The following JAK3 variants were observed in gnomAD, a reference collection of about 807,000 sequenced individuals.
JAK3 encodes tyrosine-protein kinase JAK3.
A neutral mutation model predicts 120.8 loss-of-function variants in JAK3; 88 were observed. That is an observed-to-expected ratio of 0.73 (90% CI 0.61 to 0.87). The LOEUF (loss-of-function observed/expected upper bound fraction) is 0.87, where lower values mean the gene tolerates loss of function less well. Ranked by LOEUF, JAK3 falls within the 40% of genes least tolerant of loss-of-function variation. JAK3 has a pLI of 0.00. For missense variants in JAK3, 1,254 were observed against 1,501.4 expected, an observed-to-expected ratio of 0.84 and a Z score of 2.72; for synonymous variants, 592 against 628.6, an observed-to-expected ratio of 0.94 and a Z score of 0.87.
Position 17,827,490 on chromosome 19 carries a change from T to G in JAK3, c.3208-580A>C, listed in dbSNP as rs3212792. Among the ~76,000 whole-genome samples, 1,102 of 151,008 alleles carry G rather than the reference T, an allele frequency of 7.3e-3. 26 individuals are homozygous for G. Among genetic ancestry groups the G allele is most frequent in the African/African-American group, 0.025 (1,040 of 41,102 alleles). On this transcript the variant is annotated intron_variant, in intron 23 of 23. Coordinates refer to ENST00000458235, the MANE Select transcript of JAK3 (RefSeq NM_000215.4). Reference sequence around the variant, plus strand: ...AGCCTCCCAAGTAGCTGGGATTACATGCACACACCGCCACACCTGGCTAAG... The same window carrying G: ...AGCCTCCCAAGTAGCTGGGATTACAGGCACACACCGCCACACCTGGCTAAG...
intron 10 of JAK3, among the ~76,000 whole-genome samples, chr19:17,838,649 G>A (rs3212749): frequency 4.6e-5 from 7 of 151,544 alleles, no homozygotes; most frequent in African/African-American, 1.2e-4. Context: ...AGGTTCAAGC[G>A]ATTTTCCTGC....
chr19:17,826,955 A>C, intron 23 of JAK3, 45 bp from the exon 24 acceptor site: 1 of 1,585,130 alleles, frequency 6.3e-7, no homozygotes, highest in South Asian at 1.1e-5. Flanking sequence ...TGAGCAGTCC[A>C]AAGGACACAA....
chr19:17,837,061 C>G (rs1289859767), intron 13 of JAK3, 68 bp downstream of exon 13: 3 of 981,874 alleles, frequency 3.1e-6, no homozygotes, highest in African/African-American at 4.1e-5. Flanking sequence ...CGGCTCAGAA[C>G]AGAGGTGGGA....
In JAK3 at chr19:17,831,448, G is replaced by T; in HGVS notation, c.2806-48C>A. On this transcript the variant is annotated intron_variant, in intron 20 of 23. Transcript: ENST00000458235. This position sits in a 1 kb window ranked among gnomAD's most constrained non-coding sequence, Gnocchi z 5.1. Reference sequence around the variant, plus strand: ...TGCAGAGAGGATCCCAGGATAATCCGGCAGGTACCCCAAGCGTGACCTGGC... The same window carrying T: ...TGCAGAGAGGATCCCAGGATAATCCTGCAGGTACCCCAAGCGTGACCTGGC... The T allele has an allele frequency of 1.9e-6, 3 of 1,597,146 alleles. No individual in the cohort carries two copies. Among genetic ancestry groups the T allele is most frequent in the Non-Finnish European group, 2.5e-6 (3 of 1,178,180 alleles).
rs1474760422 is a variant in JAK3 at position 17,831,019 on chromosome 19, G to A, written c.2978+209C>T. Among the ~76,000 whole-genome samples, 1 of 150,682 alleles carries A rather than the reference G, an allele frequency of 6.6e-6. No homozygotes were observed. Among genetic ancestry groups the A allele is most frequent in the East Asian group, 2.0e-4 (1 of 5,078 alleles). ...TGAGAGAAGGGCGGGGCTAAGGCTG[G>A]GGGCCGCTGACAGCAGGGCAGCGGG... On this transcript the variant is annotated intron_variant, in intron 21 of 23. Transcript: ENST00000458235. This position sits in a 1 kb window ranked among gnomAD's most constrained non-coding sequence, Gnocchi z 5.1.
In JAK3 at chr19:17,832,874, C is replaced by T. The variant is rs1379854956; in HGVS notation, c.2406G>A (p.Leu802=). The part of the protein sequence containing the change: ...TPGALAPRDG[L]WNGAQLYACQ... ...AGGCATAGAGCTGGGCACCATTCCA[C>T]AGCCCATCACGAGGTGCCAGGGCAC... The change falls in exon 18 of 24, where the codon CTG becomes CTA. Residue 802 remains leucine, a synonymous_variant. Transcript: ENST00000458235. This position sits in a 1 kb window ranked among gnomAD's most constrained non-coding sequence, Gnocchi z 4.7. The T allele has an allele frequency of 1.9e-6, 3 of 1,614,152 alleles. No individual in the cohort carries two copies. Among genetic ancestry groups the T allele is most frequent in the Non-Finnish European group, 2.5e-6 (3 of 1,180,060 alleles).
rs770063056 is a variant in JAK3, at chr19:17,843,877, G to C, written c.208C>G (p.Leu70Val). Reference sequence around the variant, plus strand: ...AGGTCCTCCGTGGCCAGAGCAAAGAGGGAGTGGTACACAGGCAGGATGCCT... The same window carrying C: ...AGGTCCTCCGTGGCCAGAGCAAAGACGGAGTGGTACACAGGCAGGATGCCT... ...ASGILPVYHS[L>V]FALATEDLSC... is the part of the protein sequence containing the mutation. Residue 70 changes from leucine (L) to valine (V), a missense_variant, in exon 3 of 24, where the codon CTC becomes GTC. Leu to Val is a conservative substitution (Grantham distance 32, BLOSUM62 1). Transcript: ENST00000458235. The surrounding 1 kb of genome is among the most constrained non-coding windows in gnomAD (Gnocchi z 5.4). The C allele has an allele frequency of 6.2e-7, 1 of 1,613,694 alleles. No individual in the cohort carries two copies. The highest frequency in any genetic ancestry group is 1.1e-5 in the South Asian group (1 of 91,080).
chr19:17,831,078 G>T lies in JAK3; in HGVS notation c.2978+150C>A. ...GAGCCAGTGCTGTTGAGGGGGCGGG[G>T]CTCTGGGGAGTGGGAGGGGCCAAAG... On this transcript the variant is annotated intron_variant, in intron 21 of 23. Transcript: ENST00000458235. This position sits in a 1 kb window ranked among gnomAD's most constrained non-coding sequence, Gnocchi z 5.1. 2 of 732,536 alleles carry T rather than the reference G, an allele frequency of 2.7e-6. No homozygotes were observed. Among genetic ancestry groups the T allele is most frequent in the Non-Finnish European group, 4.5e-6 (2 of 447,090 alleles). The allele number at this position is 732,536 out of a possible 1,614,324, so 45.4% of individuals were successfully genotyped here.
At chr19:17,833,230 G>A (rs2094217682) in intron 17 of JAK3, among the ~76,000 whole-genome samples, 1 of 152,188 alleles carries the variant, frequency 6.6e-6, no homozygotes, top group Non-Finnish European at 1.5e-5. Flanking sequence ...CCACATGACT[G>A]AGCTCAGGCT....
At chr19:17,828,406 TCAC>T (rs2094208095) in intron 23 of JAK3, among the ~76,000 whole-genome samples, 1 of 151,978 alleles carries the variant, frequency 6.6e-6, no homozygotes, top group South Asian at 2.1e-4. Flanking sequence ...CAGGTGCATG[TCAC>T]CACACCGGCT....
Position 17,827,717 on chromosome 19 carries a change from T to TAAAAAAAAAAAA in JAK3, c.3208-819_3208-808dup, listed in dbSNP as rs760856974. ...CAACATGGAGAAACCCCATCTTAAC[T>TAAAAAAAAAAAA]AAAAAAAAAAAAAAAAAAAAAAAAA... On this transcript the variant is annotated intron_variant, in intron 23 of 23. Coordinates refer to ENST00000458235, the MANE Select transcript of JAK3 (RefSeq NM_000215.4). Among the ~76,000 whole-genome samples the TAAAAAAAAAAAA allele has an allele frequency of 7.7e-5, 6 of 77,690 alleles. 1 individual carries two copies. Among genetic ancestry groups the TAAAAAAAAAAAA allele is most frequent in the African/African-American group, 3.0e-4 (5 of 16,784 alleles). The allele number at this position is 77,690 out of a possible 152,430, so 51.0% of individuals were successfully genotyped here. A position where few individuals can be genotyped will look rare whatever the true frequency, so the allele number is the denominator to read the frequency against.
chr19:17,831,386 C>T lies in JAK3; in HGVS notation c.2820G>A (p.Leu940=). The T allele has an allele frequency of 6.2e-7, 1 of 1,605,044 alleles. No homozygotes were observed. Among genetic ancestry groups the T allele is most frequent in the Non-Finnish European group, 8.5e-7 (1 of 1,179,758 alleles). The change falls in exon 21 of 24, where the codon CTG becomes CTA. Residue 940 remains leucine (L), a synonymous_variant. Coordinates refer to ENST00000458235, the MANE Select transcript of JAK3 (RefSeq NM_000215.4). The surrounding 1 kb of genome is among the most constrained non-coding windows in gnomAD (Gnocchi z 5.1). ...CGCGGTGCACGCAGCGGCGGGAGCC[C>T]AGGTACTCCATGCCCTGCGGGCGGG... is the stretch of plus-strand genomic sequence containing the variant. ...SSQICKGMEY[L]GSRRCVHRDL... is the part of the protein sequence containing the mutation.
At chr19:17,847,653 T>C (rs1180157798) in intron 1 of JAK3, among the ~76,000 whole-genome samples, 2 of 152,066 alleles carry the variant, frequency 1.3e-5, no homozygotes, top group African/African-American at 4.8e-5. Context: ...AATCCCTCCT[T>C]CCCAATCCCT....
chr19:17,834,800 C>T (rs2094220920), intron 16 of JAK3, 52 bp downstream of exon 16: 2 of 1,613,420 alleles, frequency 1.2e-6, no homozygotes, highest in Non-Finnish European at 1.7e-6. Flanking sequence ...GTCAGTCTGC[C>T]CTTCTGTCAA....
rs2094209061 is a variant in JAK3 at position 17,829,051 on chromosome 19, T to C, written c.3207+1057A>G. On this transcript the variant is annotated intron_variant, in intron 23 of 23. Coordinates refer to ENST00000458235, the MANE Select transcript of JAK3 (RefSeq NM_000215.4). ...CTTATGCCTGTAAATCTCAGCACTT[T>C]GGGAGGCCAAGGCAGGAGGATCGCT... Among the ~76,000 whole-genome samples the C allele has an allele frequency of 2.6e-5, 4 of 152,210 alleles. No individual in the cohort carries two copies. The South Asian group carries it at 8.3e-4, about 32-fold the overall frequency.
chr19:17,839,550 G>C lies in JAK3; in HGVS notation c.1368C>G (p.Thr456=). 1.2e-6 allele frequency: 2 copies of C among 1,607,704 alleles called. No individual in the cohort carries two copies. Among genetic ancestry groups the C allele is most frequent in the South Asian group, 1.1e-5 (1 of 89,480 alleles). The change falls in exon 10 of 24, where the codon ACC becomes ACG. Residue 456 remains threonine, a synonymous_variant. Coordinates refer to ENST00000458235, the MANE Select transcript of JAK3 (RefSeq NM_000215.4). ...PHSSLRELLA[T]CWDGGLHVDG... ...CTACGTGCAGCCCCCCATCCCAGCA[G>C]GTTGCCAGGAGCTCTCGAAGACTGC...
Position 17,840,220 on chromosome 19 carries a change from G to T in JAK3, c.1254+10C>A. Reference sequence around the variant, plus strand: ...CAGCCCTCCACTACCCACCCTAGCAGTAGACCGACCTGGACACAGACAGTG... The same window carrying T: ...CAGCCCTCCACTACCCACCCTAGCATTAGACCGACCTGGACACAGACAGTG... On this transcript the variant is annotated intron_variant, in intron 9 of 23. Coordinates refer to ENST00000458235, the MANE Select transcript of JAK3 (RefSeq NM_000215.4). 6.2e-7 allele frequency: 1 copy of T among 1,601,498 alleles called. No homozygotes were observed. Among genetic ancestry groups the T allele is most frequent in the Non-Finnish European group, 8.6e-7 (1 of 1,168,812 alleles).
Position 17,831,110 on chromosome 19 carries a change from C to G in JAK3, c.2978+118G>C, listed in dbSNP as rs1337120148. On this transcript the variant is annotated intron_variant, in intron 21 of 23. Coordinates refer to ENST00000458235, the MANE Select transcript of JAK3 (RefSeq NM_000215.4). The surrounding 1 kb of genome is among the most constrained non-coding windows in gnomAD (Gnocchi z 5.1). Reference sequence around the variant, plus strand: ...GGAGTGGGAGGGGCCAAAGCTGCAGCGGAGGAAGGGCGGGGCTAAGGCTGG... The same window carrying G: ...GGAGTGGGAGGGGCCAAAGCTGCAGGGGAGGAAGGGCGGGGCTAAGGCTGG... The G allele has an allele frequency of 9.9e-7, 1 of 1,012,268 alleles. No individual in the cohort carries two copies. The highest frequency in any genetic ancestry group is 1.4e-6 in the Non-Finnish European group (1 of 730,250). The allele number at this position is 1,012,268 out of a possible 1,614,324, so 62.7% of individuals were successfully genotyped here.
chr19:17,846,848 G>A (rs1438551831), intron 1 of JAK3, among the ~76,000 whole-genome samples: 19 of 151,918 alleles, frequency 1.3e-4, no homozygotes, highest in East Asian at 1.9e-4. Context: ...GCCTCCCAAA[G>A]TGCTGTGATT....
Sources: gnomAD v4.1 joint callset for allele counts (sites outside exome capture counted in the v4.1 genomes callset) on GRCh38, gnomAD v4.1.1 for gene constraint, Gnocchi (gnomAD v3.1) non-coding constraint, MANE v1.5 for transcripts, NCBI Gene and HGNC (gene_info 2026-07-23, HGNC 2026-07-21) for gene names.